The following AMPH variants were observed in gnomAD, a reference collection of about 807,000 sequenced individuals.
AMPH encodes amphiphysin (Stiff-Mann syndrome with breast cancer 128kD autoantigen).
A neutral mutation model predicts 99.1 loss-of-function variants in AMPH; 49 were observed. That is an observed-to-expected ratio of 0.49 (90% CI 0.39 to 0.63). The LOEUF is 0.63. Among genes scored for constraint, AMPH ranks in the 20% least tolerant of loss-of-function variants. The probability of loss-of-function intolerance (pLI) is 0.00; values close to 1 mark genes in which losing one functional copy is unlikely to be tolerated. For synonymous variants in AMPH, 314 were observed against 317.3 expected (o/e 0.99, Z 0.11); for missense variants, 759 against 863.4 (o/e 0.88, Z 1.52).
intron 2 of AMPH, among the ~76,000 whole-genome samples, chr7:38,522,072 A>C (rs987614723): frequency 5.9e-5 from 9 of 152,172 alleles, no homozygotes; most frequent in Admixed American, 4.6e-4. Flanking sequence ...GGGTCACTGC[A>C]TGAGGTGGAG....
At chr7:38,580,700 T>TGATGATGAC (rs1324526586) in intron 1 of AMPH, among the ~76,000 whole-genome samples, 1 of 143,590 alleles carries the variant, frequency 7.0e-6, no homozygotes, top group Admixed American at 6.9e-5. Flanking sequence ...ATGATGATGA[T>TGATGATGAC]GACGATGACG....
At chr7:38,587,864 GC>G (rs1554368877) in intron 1 of AMPH, among the ~76,000 whole-genome samples, 1 of 151,804 alleles carries the variant, frequency 6.6e-6, no homozygotes, top group African/African-American at 2.4e-5. Flanking sequence ...TGGGTGATCA[GC>G]TAGGCTCCAC....
At chr7:38,441,183 G>A (rs1299939580) in intron 11 of AMPH, among the ~76,000 whole-genome samples, 1 of 152,072 alleles carries the variant, frequency 6.6e-6, no homozygotes, top group East Asian at 1.9e-4. Flanking sequence ...GAGGATCATT[G>A]CCTAAACATT....
chr7:38,421,611 T>C (rs1785583528), intron 16 of AMPH, among the ~76,000 whole-genome samples: 1 of 152,326 alleles, frequency 6.6e-6, no homozygotes, highest in Admixed American at 6.5e-5. Flanking sequence ...CTTAAAATAG[T>C]TTAAAAGAAA....
At chr7:38,540,692 CAAAAAAAAAAA>C (rs373768495) in intron 1 of AMPH, among the ~76,000 whole-genome samples, 352 of 19,766 alleles carry the variant, frequency 0.018, 7 homozygotes, top group East Asian at 0.045. Context: ...TGACCCCAAG[CAAAAAAAAAAA>C]AAAAAAAAAA....
chr7:38,472,507 A>G (rs1023955166), intron 7 of AMPH, among the ~76,000 whole-genome samples: 10 of 152,196 alleles, frequency 6.6e-5, no homozygotes, highest in African/African-American at 2.4e-4. Flanking sequence ...TGTGAAATGG[A>G]GAGATCTGTA....
chr7:38,474,861 G>C (rs953819675), intron 7 of AMPH, among the ~76,000 whole-genome samples: 3 of 152,106 alleles, frequency 2.0e-5, no homozygotes, highest in African/African-American at 7.2e-5. Flanking sequence ...TAAAAGTCAG[G>C]GCTTAAAGTA....
At chr7:38,562,928 G>A (rs1791606474) in intron 1 of AMPH, among the ~76,000 whole-genome samples, 1 of 152,186 alleles carries the variant, frequency 6.6e-6, no homozygotes, top group African/African-American at 2.4e-5. Context: ...GTTTCTGTAA[G>A]TTCTCCTTAC....
At chr7:38,487,789 A>C (rs1788562329) in intron 5 of AMPH, among the ~76,000 whole-genome samples, 1 of 152,320 alleles carries the variant, frequency 6.6e-6, no homozygotes, top group Non-Finnish European at 1.5e-5. Context: ...CAAAGGGCTA[A>C]TATCCAGAAT....
chr7:38,448,985 T>A (rs723001), intron 11 of AMPH, among the ~76,000 whole-genome samples: 150,082 of 152,284 alleles, frequency 0.99, 73,963 homozygotes, highest in East Asian at 1. Context: ...TATGACTAAT[T>A]GTATAAAGGC....
intron 6 of AMPH, among the ~76,000 whole-genome samples, chr7:38,475,839 A>G (rs1375658807): frequency 6.6e-6 from 1 of 152,214 alleles, no homozygotes; most frequent in Non-Finnish European, 1.5e-5. Context: ...TGCAGAGAAG[A>G]GAGAAGGTAA....
chr7:38,397,498 T>C (rs1289340457), intron 17 of AMPH, among the ~76,000 whole-genome samples: 1 of 152,168 alleles, frequency 6.6e-6, no homozygotes, highest in Non-Finnish European at 1.5e-5. Flanking sequence ...TTTTGCCATA[T>C]ACAAAAATTA....
chr7:38,540,535 T>C (rs1052233421), intron 1 of AMPH, among the ~76,000 whole-genome samples: 10 of 151,840 alleles, frequency 6.6e-5, no homozygotes, highest in African/African-American at 2.4e-4. Context: ...CATTTTAAGT[T>C]AGGAGTGGAA....
rs1186889634 is a variant in AMPH at position 38,393,956 on chromosome 7, C to G, written c.1608+49G>C. The G allele has an allele frequency of 6.3e-6, 10 of 1,586,010 alleles. No individual in the cohort carries two copies. In the East Asian group the frequency reaches 2.2e-4, roughly 35 times the overall value. On this transcript the variant is annotated intron_variant, in intron 18 of 20. Coordinates refer to ENST00000356264, the MANE Select transcript of AMPH (RefSeq NM_001635.4). Reference sequence around the variant, plus strand: ...ATGAACCAACCAACAGAGCACCCAGCCCATGCTACTTCCCAGGAGCTCCCC... The same window carrying G: ...ATGAACCAACCAACAGAGCACCCAGGCCATGCTACTTCCCAGGAGCTCCCC...
intron 1 of AMPH, among the ~76,000 whole-genome samples, chr7:38,615,721 C>T (rs2129068315): frequency 6.6e-6 from 1 of 152,298 alleles, no homozygotes; most frequent in South Asian, 2.1e-4. Flanking sequence ...ACAGTTACAT[C>T]CTGTAGCTGC....
chr7:38,520,271 C>T (rs1314071173), intron 2 of AMPH, among the ~76,000 whole-genome samples: 1 of 152,160 alleles, frequency 6.6e-6, no homozygotes, highest in Non-Finnish European at 1.5e-5. Flanking sequence ...TCTCCCTAGT[C>T]ATAGTATATT....
chr7:38,626,263 A>T (rs1257386476), intron 1 of AMPH, among the ~76,000 whole-genome samples: 2 of 152,164 alleles, frequency 1.3e-5, no homozygotes, highest in Non-Finnish European at 2.9e-5. Context: ...TATGAACCCC[A>T]TCATTTAGGT....
intron 7 of AMPH, among the ~76,000 whole-genome samples, chr7:38,467,030 T>A (rs549382672): frequency 6.6e-5 from 10 of 152,378 alleles, no homozygotes; most frequent in African/African-American, 2.4e-4. Context: ...TATTCATAAA[T>A]ACATGTGCAT....
chr7:38,420,885 C>A, intron 16 of AMPH: 1 of 449,566 alleles, frequency 2.2e-6, no homozygotes, highest in South Asian at 1.6e-5. Flanking sequence ...GGGAGATGTA[C>A]AGCTGATTAC....
Sources: gnomAD v4.1 joint callset for allele counts (sites outside exome capture counted in the v4.1 genomes callset) on GRCh38, gnomAD v4.1.1 for gene constraint, MANE v1.5 for transcripts, NCBI Gene and HGNC (gene_info 2026-07-23, HGNC 2026-07-21) for gene names.